The following NOC3L variants were observed in gnomAD, a reference collection of about 807,000 sequenced individuals.
The protein encoded by NOC3L is nucleolar complex protein 3 homolog.
Under a neutral mutation model 102.5 loss-of-function variants are expected in NOC3L, and 85 were observed. That is an observed-to-expected ratio of 0.83 (90% CI 0.70 to 0.99). The LOEUF is 0.99. Among genes scored for constraint, NOC3L ranks in the 50% least tolerant of loss-of-function variants. The pLI, the probability that NOC3L is intolerant of heterozygous loss-of-function variation, is 0.00. For missense variants in NOC3L, 878 were observed against 914.9 expected, an observed-to-expected ratio of 0.96 and a Z score of 0.52; for synonymous variants, 303 against 309.4, an observed-to-expected ratio of 0.98 and a Z score of 0.22.
At chr10:94,343,986 A>AT (rs2054314470) in intron 13 of NOC3L, among the ~76,000 whole-genome samples, 1 of 152,218 alleles carries the variant, frequency 6.6e-6, no homozygotes, top group Non-Finnish European at 1.5e-5. Flanking sequence ...TGACAAGGCC[A>AT]TTAGTGTTGA....
the NOC3L span, among the ~76,000 whole-genome samples, chr10:94,322,411 G>A: frequency 6.6e-6 from 1 of 152,056 alleles, no homozygotes. Context: ...AGCAGTTTGG[G>A]AGGCTGAGGG....
Position 94,340,516 on chromosome 10 carries a change from G to A in NOC3L, c.1645-20C>T, listed in dbSNP as rs200833671. 9 of 1,218,934 alleles carry A rather than the reference G, an allele frequency of 7.4e-6. No individual in the cohort carries two copies. The highest frequency in any genetic ancestry group is 2.6e-4 in the Middle Eastern group (1 of 3,796). 75.5% of individuals were successfully genotyped at this position (1,218,934 alleles called of 1,614,324 possible). On this transcript the variant is annotated intron_variant, in intron 14 of 20. Transcript: ENST00000371361. Reference sequence around the variant, plus strand: ...TAGGTCCTTTAAAAAAAAAAGGGGGGGGTGAGGGGGATGGAATATTAAGAA... The same window carrying A: ...TAGGTCCTTTAAAAAAAAAAGGGGGAGGTGAGGGGGATGGAATATTAAGAA...
At chr10:94,322,613 C>T in the NOC3L span, among the ~76,000 whole-genome samples, 1 of 151,944 alleles carries the variant, frequency 6.6e-6, no homozygotes, top group African/African-American at 2.4e-5. Context: ...GGTGAAACCC[C>T]ATCTCTACTA....
At chr10:94,335,010 C>G (rs1250295929) in intron 19 of NOC3L, among the ~76,000 whole-genome samples, 1 of 152,144 alleles carries the variant, frequency 6.6e-6, no homozygotes, top group Non-Finnish European at 1.5e-5. Context: ...AATCCCAACC[C>G]ACTGATAATG....
chr10:94,353,540 G>A (rs2054448041), intron 6 of NOC3L, among the ~76,000 whole-genome samples: 2 of 152,050 alleles, frequency 1.3e-5, no homozygotes, highest in Admixed American at 1.3e-4. Flanking sequence ...CCATTCATGA[G>A]GGATCCACCC....
In NOC3L at chr10:94,339,799, A is replaced by G; in HGVS notation, c.1902T>C (p.Ala634=). 6.2e-7 allele frequency: 1 copy of G among 1,614,196 alleles called. No homozygotes were observed. The highest frequency in any genetic ancestry group is 1.1e-5 in the South Asian group (1 of 91,070). ...TACTTGAATTTGGAAGAACATGAAG[A>G]GCAAGGGTACAAAGGCGTTTGATGA... ...LAFIKRLCTL[A]LHVLPNSSIG... is the part of the protein sequence containing the mutation. The change falls in exon 17 of 21, where the codon GCT becomes GCC. Residue 634 remains alanine (A), a synonymous_variant. Transcript: ENST00000371361.
rs777625769 is a variant in NOC3L at position 94,340,496 on chromosome 10, C to A, written c.1645G>T (p.Asp549Tyr). The A allele has an allele frequency of 1.4e-6, 2 of 1,399,176 alleles. No homozygotes were observed. The highest frequency in any genetic ancestry group is 1.6e-5 in the African/African-American group (1 of 63,900). The allele number at this position is 1,399,176 out of a possible 1,614,324, so 86.7% of individuals were successfully genotyped here. Residue 549 changes from aspartate to tyrosine, a missense_variant and splice_region_variant, in exon 15 of 21, where the codon GAC becomes TAC. Transcript: ENST00000371361. ...VVLHTLIESGDLSYQESLHCV... is the reference protein window; with the variant it reads ...VVLHTLIESGYLSYQESLHCV... ...TGAAGACTTTCTTGATAGCTTAGGT[C>A]CTTTAAAAAAAAAAGGGGGGGGTGA...
At chr10:94,354,466 T>C (rs946058174) in intron 6 of NOC3L, among the ~76,000 whole-genome samples, 1 of 152,244 alleles carries the variant, frequency 6.6e-6, no homozygotes, top group African/African-American at 2.4e-5. Context: ...CTCTAGTTCA[T>C]GTGTTATAAC....
Position 94,344,908 on chromosome 10 carries a change from T to G in NOC3L, c.1415A>C (p.Glu472Ala), listed in dbSNP as rs3758526. The G allele has an allele frequency of 0.14, 226,086 of 1,609,008 alleles. 18,269 individuals carry two copies. The highest frequency in any genetic ancestry group is 0.3 in the South Asian group (26,593 of 89,938). Residue 472 changes from glutamate to alanine, a missense_variant, in exon 12 of 21, where the codon GAG (glutamate) becomes GCG (alanine). Glu to Ala is a moderately radical substitution (Grantham distance 107, BLOSUM62 -1). Coordinates refer to ENST00000371361, the MANE Select transcript of NOC3L (RefSeq NM_022451.11). Reference sequence around the variant, plus strand: ...AGCTTCTGCCTCTCGAAGCTCTCGCTCTAGTTTCTCTTCTGCTTTCTTCCA... The same window carrying G: ...AGCTTCTGCCTCTCGAAGCTCTCGCGCTAGTTTCTCTTCTGCTTTCTTCCA... ...RKWKKAEEKLERELREAEASE... is the reference protein window; with the variant it reads ...RKWKKAEEKLARELREAEASE...
Position 94,358,215 on chromosome 10 carries a change from C to A in NOC3L, c.218G>T (p.Gly73Val), listed in dbSNP as rs766056046. The stretch of plus-strand genomic sequence containing the variant: ...CTCTTCTTCCCTCTCAATCCTTTTA[C>A]CTGTACCACACACACACACACACAA... The part of the protein sequence containing the change: ...PLENPKEKRP[G>V]KRIEREEEEE... The change falls in exon 3 of 21, where the codon GGT (glycine) becomes GTT (valine). Residue 73 changes from glycine to valine, a missense_variant and splice_region_variant. Coordinates refer to ENST00000371361, the MANE Select transcript of NOC3L (RefSeq NM_022451.11). 9.4e-5 allele frequency: 130 copies of A among 1,376,590 alleles called. No homozygotes were observed. Among genetic ancestry groups the A allele is most frequent in the Non-Finnish European group, 1.3e-4 (126 of 969,806 alleles). The allele number at this position is 1,376,590 out of a possible 1,614,324, so 85.3% of individuals were successfully genotyped here. A position where few individuals can be genotyped will look rare whatever the true frequency, so the allele number is the denominator to read the frequency against.
intron 2 of NOC3L, among the ~76,000 whole-genome samples, chr10:94,360,691 A>G (rs1454401235): frequency 2.0e-5 from 3 of 152,168 alleles, no homozygotes; most frequent in African/African-American, 7.2e-5. Flanking sequence ...TAAAATAACT[A>G]AAAAAGTATA....
chr10:94,356,507 C>A, intron 5 of NOC3L, 28 bp downstream of exon 5: 1 of 1,433,874 alleles, frequency 7.0e-7, no homozygotes, highest in Non-Finnish European at 9.8e-7. Flanking sequence ...TCTCAATTAA[C>A]AATTTAGTAA....
At chr10:94,326,794 T>G in the NOC3L span, among the ~76,000 whole-genome samples, 1 of 152,226 alleles carries the variant, frequency 6.6e-6, no homozygotes, top group African/African-American at 2.4e-5. Flanking sequence ...TGGATTCACA[T>G]GACTTTTTTT....
intron 10 of NOC3L, among the ~76,000 whole-genome samples, chr10:94,348,058 T>G (rs949069895): frequency 1.3e-5 from 2 of 151,074 alleles, no homozygotes; most frequent in Non-Finnish European, 3.0e-5. Context: ...TTAAGCAGCA[T>G]TTTATATCAG....
chr10:94,338,869 A>G (rs1434953520), intron 17 of NOC3L, 133 bp from the exon 18 acceptor site: 6 of 637,314 alleles, frequency 9.4e-6, no homozygotes, highest in Non-Finnish European at 1.4e-5. Context: ...TTACACCTAG[A>G]TTTAATAAAA....
intron 6 of NOC3L, among the ~76,000 whole-genome samples, chr10:94,354,600 A>G (rs913649441): frequency 3.3e-5 from 5 of 152,262 alleles, no homozygotes; most frequent in Non-Finnish European, 5.9e-5. Context: ...CTTCCCCTGT[A>G]GCGCGCTTTT....
chr10:94,321,897 A>G, the NOC3L span: 8 of 1,610,190 alleles, frequency 5.0e-6, no homozygotes, highest in East Asian at 8.9e-5. Flanking sequence ...CTTTTTAAAC[A>G]TAGAACCTAG....
At chr10:94,342,484 ATTAT>A (rs1302231129) in intron 13 of NOC3L, among the ~76,000 whole-genome samples, 2 of 151,838 alleles carry the variant, frequency 1.3e-5, no homozygotes, top group African/African-American at 2.4e-5. Context: ...CAATCTGACA[ATTAT>A]TTATCAAAAT....
chr10:94,325,299 TAAAGAA>T, the NOC3L span: 2 of 539,256 alleles, frequency 3.7e-6, no homozygotes, highest in Non-Finnish European at 6.7e-6. Context: ...ACACCGCCTA[TAAAGAA>T]AAAGGGAAAG....
Sources: allele counts gnomAD v4.1 joint callset (sites outside exome capture counted in the v4.1 genomes callset), GRCh38; gene constraint gnomAD v4.1.1; transcripts MANE v1.5; gene names NCBI Gene and HGNC (gene_info 2026-07-23, HGNC 2026-07-21).